The following TET3 variants were observed in gnomAD, a reference collection of about 807,000 sequenced individuals.
TET3 encodes the protein tet methylcytosine dioxygenase 3.
TET3 carries 19 observed loss-of-function variants against 141.4 expected under a neutral mutation model. The ratio of observed to expected loss-of-function variants is 0.13; its 90% confidence interval spans 0.09 to 0.20. TET3 has a LOEUF of 0.20. Among genes scored for constraint, TET3 ranks in the 10% least tolerant of loss-of-function variants. The pLI, the probability that TET3 is intolerant of heterozygous loss-of-function variation, is 1.00. For synonymous variants in TET3, 1,043 were observed against 980.9 expected (o/e 1.06, Z -1.18); for missense variants, 1,874 against 2,356.9 (o/e 0.80, Z 4.24).
chr2:74,015,670 T>C (rs1685691052), intron 3 of TET3, among the ~76,000 whole-genome samples: 1 of 152,224 alleles, frequency 6.6e-6, no homozygotes, highest in Admixed American at 6.5e-5. Flanking sequence ...CAATTATAAA[T>C]GTTGAGGTTA....
chr2:74,123,547 C>A, the TET3 span, among the ~76,000 whole-genome samples: 1 of 152,200 alleles, frequency 6.6e-6, no homozygotes, highest in Non-Finnish European at 1.5e-5. Context: ...TTCGGTAACC[C>A]CAGAGAGGAG....
downstream of TET3, among the ~76,000 whole-genome samples, chr2:74,112,760 T>C (rs951306334): frequency 2.0e-5 from 3 of 151,992 alleles, no homozygotes; most frequent in African/African-American, 7.2e-5. Flanking sequence ...TCCAGCACTT[T>C]GGGAGGCTGA....
chr2:74,116,751 T>C, the TET3 span, among the ~76,000 whole-genome samples: 2 of 149,864 alleles, frequency 1.3e-5, no homozygotes, highest in Admixed American at 6.7e-5. Context: ...TTTGTCAATT[T>C]AAAAAAATTA....
At chr2:74,008,794 C>T (rs1685276378) in intron 3 of TET3, among the ~76,000 whole-genome samples, 1 of 152,194 alleles carries the variant, frequency 6.6e-6, no homozygotes, top group East Asian at 1.9e-4. Flanking sequence ...TATCTTGCCA[C>T]AGAAATATTC....
At chr2:74,075,645 T>A (rs1293447097) in intron 5 of TET3, among the ~76,000 whole-genome samples, 1 of 152,166 alleles carries the variant, frequency 6.6e-6, no homozygotes, top group East Asian at 1.9e-4. Flanking sequence ...CAGATACTCT[T>A]GTCTGTGTAG....
rs902209200 is a variant in TET3, at chr2:73,998,366, G to A, written c.304-4744G>A. On this transcript the variant is annotated intron_variant, in intron 2 of 11. Transcript: ENST00000409262. The stretch of plus-strand genomic sequence containing the variant: ...ACGAGCATCTCAAAGGGCATGTAGG[G>A]TATAGGCAGAGTGTCACCTATCAGC... 3 of 152,318 alleles carry A rather than the reference G, an allele frequency of 2.0e-5. No homozygotes were observed. The East Asian group carries it at 5.8e-4, about 29-fold the overall frequency. 9.4% of individuals were successfully genotyped at this position (152,318 alleles called of 1,614,324 possible).
At chr2:74,135,381 G>T in the TET3 span, 2 of 788,234 alleles carry the variant, frequency 2.5e-6, no homozygotes, top group Non-Finnish European at 4.1e-6. Flanking sequence ...CAAAATAAAG[G>T]AACCTGAAAC....
At chr2:73,986,734 G>T in intron 2 of TET3, 28 bp downstream of exon 2, 1 of 1,231,686 alleles carries the variant, frequency 8.1e-7, no homozygotes, top group South Asian at 4.1e-5. Context: ...GGGCTACCCT[G>T]TTCCTTCCTC....
Position 74,104,148 on chromosome 2 carries a change from G to GT in TET3, c.*1973dup. On this transcript the variant is annotated 3_prime_UTR_variant, in exon 12 of 12. Coordinates refer to ENST00000409262, the MANE Select transcript of TET3 (RefSeq NM_001287491.2). Reference sequence around the variant, plus strand: ...TTTAAACAGCAACTTGAAAAAAAAAGTATGTTTTAACATGTAATTGTGGGA... The same window carrying GT: ...TTTAAACAGCAACTTGAAAAAAAAAGTTATGTTTTAACATGTAATTGTGGGA... 6.5e-6 allele frequency: 1 copy of GT among 152,896 alleles called. No homozygotes were observed. The highest frequency in any genetic ancestry group is 1.5e-5 in the Non-Finnish European group (1 of 67,982). The allele number at this position is 152,896 out of a possible 1,614,324, so 9.5% of individuals were successfully genotyped here.
At chr2:74,123,787 C>A in the TET3 span, among the ~76,000 whole-genome samples, 1 of 151,552 alleles carries the variant, frequency 6.6e-6, no homozygotes, top group Non-Finnish European at 1.5e-5. Flanking sequence ...CGCCTCTTCC[C>A]GGCCGCCATC....
chr2:74,133,847 C>T, the TET3 span, among the ~76,000 whole-genome samples: 1 of 152,114 alleles, frequency 6.6e-6, no homozygotes, highest in Non-Finnish European at 1.5e-5. Context: ...CGGGTTCAAG[C>T]GATTCTCCTG....
chr2:74,012,004 A>T (rs930360501), intron 3 of TET3, among the ~76,000 whole-genome samples: 2 of 152,142 alleles, frequency 1.3e-5, no homozygotes, highest in Non-Finnish European at 1.5e-5. Context: ...CCTGCCGCCC[A>T]GGTTGGAGTG....
rs1691421652 is a variant in TET3 at position 74,105,038 on chromosome 2, T to C, written c.*2862T>C. 5.0e-6 allele frequency: 2 copies of C among 397,656 alleles called. No individual in the cohort carries two copies. The highest frequency in any genetic ancestry group is 8.8e-5 in the Admixed American group (2 of 22,714). 24.6% of individuals were successfully genotyped at this position (397,656 alleles called of 1,614,324 possible). On this transcript the variant is annotated 3_prime_UTR_variant, in exon 12 of 12. Coordinates refer to ENST00000409262, the MANE Select transcript of TET3 (RefSeq NM_001287491.2). ...TTTAAAAAGTAACTATGCACAGCTC[T>C]TTATCCCCCCCTTGCTGCTGAAGCT...
intron 2 of TET3, among the ~76,000 whole-genome samples, chr2:73,997,982 C>T (rs1684677228): frequency 6.6e-6 from 1 of 152,134 alleles, no homozygotes; most frequent in Non-Finnish European, 1.5e-5. Flanking sequence ...AGTGTAGTGA[C>T]ATGTGAAGGA....
intron 3 of TET3, among the ~76,000 whole-genome samples, chr2:74,041,027 ATCC>A (rs1687309702): frequency 6.6e-6 from 1 of 152,164 alleles, no homozygotes; most frequent in African/African-American, 2.4e-5. Flanking sequence ...ACTGGTCCCC[ATCC>A]TCCTCTGGCA....
intron 5 of TET3, 46 bp from the exon 6 acceptor site, chr2:74,080,452 T>C: frequency 6.4e-7 from 1 of 1,556,738 alleles, no homozygotes; most frequent in Non-Finnish European, 8.8e-7. Context: ...GTTGTTCTCC[T>C]TTGGGGTTCT....
intron 3 of TET3, among the ~76,000 whole-genome samples, chr2:74,015,076 G>T (rs1249380956): frequency 1.3e-5 from 2 of 152,198 alleles, no homozygotes; most frequent in African/African-American, 4.8e-5. Context: ...CTGTGTCCCA[G>T]TCTGAACCTG....
chr2:74,002,351 C>G (rs1684890791), intron 2 of TET3, among the ~76,000 whole-genome samples: 1 of 152,098 alleles, frequency 6.6e-6, no homozygotes, highest in African/African-American at 2.4e-5. Context: ...TAGAGAGTGG[C>G]GAAGCGGGAA....
chr2:74,019,377 T>G (rs758292692), intron 3 of TET3, among the ~76,000 whole-genome samples: 14 of 152,372 alleles, frequency 9.2e-5, no homozygotes, highest in African/African-American at 1.2e-4. Flanking sequence ...GAATGGGATC[T>G]TTTCTGTTAT....
Sources: allele counts gnomAD v4.1 joint callset (sites outside exome capture counted in the v4.1 genomes callset), GRCh38; gene constraint gnomAD v4.1.1; transcripts MANE v1.5; gene names NCBI Gene and HGNC (gene_info 2026-07-23, HGNC 2026-07-21).